Variants in ESR1 observed in about 807,000 individuals in gnomAD.
The protein encoded by ESR1 is estrogen receptor.
ESR1 carries 12 observed loss-of-function variants against 52.7 expected under a neutral mutation model. The observed-to-expected ratio is 0.23, with a 90% CI of 0.15 to 0.37. ESR1 has a LOEUF of 0.37. Among genes scored for constraint, ESR1 ranks in the 10% least tolerant of loss-of-function variants. ESR1 has a pLI of 1.00. For synonymous variants in ESR1, 305 were observed against 316.8 expected (o/e 0.96, Z 0.39); for missense variants, 584 against 779.7 (o/e 0.75, Z 2.99).
intron 6 of ESR1, among the ~76,000 whole-genome samples, chr6:152,064,105 T>C (rs1284539069): frequency 5.9e-5 from 9 of 152,324 alleles, no homozygotes; most frequent in East Asian, 1.9e-4. Flanking sequence ...CCCGGAATCA[T>C]CCATAGGACA....
intron 2 of ESR1, among the ~76,000 whole-genome samples, chr6:151,869,491 A>G (rs567684050): frequency 5.8e-4 from 89 of 152,190 alleles, no homozygotes; most frequent in Non-Finnish European, 1.1e-3. Flanking sequence ...AGGTATTACA[A>G]TGAGATGGTG....
intron 5 of ESR1, among the ~76,000 whole-genome samples, chr6:152,056,166 C>T (rs1017774292): frequency 6.6e-6 from 1 of 152,186 alleles, no homozygotes; most frequent in Non-Finnish European, 1.5e-5. Flanking sequence ...TTCTTCCATA[C>T]TTCAGAGCTG....
chr6:152,007,103 G>C (rs1166798075), intron 4 of ESR1, among the ~76,000 whole-genome samples: 1 of 152,034 alleles, frequency 6.6e-6, no homozygotes, highest in East Asian at 1.9e-4. Flanking sequence ...TTTGCTTGGA[G>C]ATCTCTGCAC....
intron 2 of ESR1, among the ~76,000 whole-genome samples, chr6:151,702,182 G>A (rs1290657794): frequency 6.6e-6 from 1 of 152,016 alleles, no homozygotes; most frequent in Non-Finnish European, 1.5e-5. Flanking sequence ...CTCTACATGC[G>A]TTGCTTAGGT....
chr6:151,967,222 T>C (rs796312106), intron 4 of ESR1, among the ~76,000 whole-genome samples: 5 of 152,292 alleles, frequency 3.3e-5, no homozygotes, highest in African/African-American at 1.2e-4. Flanking sequence ...CTGGGATACA[T>C]GTGCAGAACA....
Position 152,101,175 on chromosome 6 carries a change from T to C in ESR1, c.*2209T>C. 4.3e-6 allele frequency: 1 copy of C among 231,116 alleles called. No homozygotes were observed. The highest frequency in any genetic ancestry group is 8.6e-6 in the Non-Finnish European group (1 of 116,602). 14.3% of individuals were successfully genotyped at this position (231,116 alleles called of 1,614,324 possible). A position where few individuals can be genotyped will look rare whatever the true frequency, so the allele number is the denominator to read the frequency against. On this transcript the variant is annotated 3_prime_UTR_variant, in exon 8 of 8. Transcript: ENST00000206249. The stretch of plus-strand genomic sequence containing the variant: ...GTATCCACAGTAGACAAAATAGCAC[T>C]AATCCAGATGCCTATTGTTGGATAC...
chr6:152,054,512 A>G (rs149535802), intron 5 of ESR1, among the ~76,000 whole-genome samples: 30 of 150,604 alleles, frequency 2.0e-4, no homozygotes, highest in African/African-American at 7.3e-4. Context: ...CTCTCCCCCA[A>G]TCTCCTTTGC....
At chr6:151,686,016 G>A (rs1188264591), upstream of ESR1, among the ~76,000 whole-genome samples, 2 of 150,842 alleles carry the variant, frequency 1.3e-5, no homozygotes, top group African/African-American at 4.9e-5. Flanking sequence ...CAGCCTCCAG[G>A]TAGCTGGGAC....
chr6:151,856,380 G>A (rs1044502555), intron 2 of ESR1, among the ~76,000 whole-genome samples: 9 of 152,012 alleles, frequency 5.9e-5, no homozygotes, highest in Non-Finnish European at 8.8e-5. Context: ...TCTTCCTCTG[G>A]CTTTACTTCT....
chr6:151,869,818 T>G (rs376064389), intron 2 of ESR1, among the ~76,000 whole-genome samples: 2 of 152,332 alleles, frequency 1.3e-5, no homozygotes, highest in East Asian at 1.9e-4. Flanking sequence ...TCCTTTTAAA[T>G]AATAAAAGTA....
chr6:151,694,341 T>C (rs1390476010), intron 1 of ESR1, among the ~76,000 whole-genome samples: 2 of 152,206 alleles, frequency 1.3e-5, no homozygotes, highest in Non-Finnish European at 2.9e-5. Flanking sequence ...CTGGGGTTGA[T>C]GGGAGATAAC....
chr6:151,985,485 G>A (rs2040371718), intron 4 of ESR1, among the ~76,000 whole-genome samples: 1 of 133,782 alleles, frequency 7.5e-6, no homozygotes, highest in African/African-American at 3.0e-5. Context: ...TCTAGCTGGG[G>A]CAACAGAGTG....
At chr6:151,968,815 G>C (rs2038586710) in intron 4 of ESR1, among the ~76,000 whole-genome samples, 1 of 152,020 alleles carries the variant, frequency 6.6e-6, no homozygotes, top group South Asian at 2.1e-4. Context: ...GAGCAACTTG[G>C]GCCATGGACT....
At chr6:151,850,087 T>TGC (rs1370003690) in intron 2 of ESR1, among the ~76,000 whole-genome samples, 1 of 103,910 alleles carries the variant, frequency 9.6e-6, no homozygotes, top group South Asian at 3.0e-4. Context: ...AAATTATATA[T>TGC]ATATAATTTT....
chr6:151,834,076 A>G (rs1280050134), intron 1 of ESR1, among the ~76,000 whole-genome samples: 1 of 152,216 alleles, frequency 6.6e-6, no homozygotes, highest in African/African-American at 2.4e-5. Flanking sequence ...GTGGAGAAAT[A>G]GGAACACTTT....
rs35800682 is a variant in ESR1, at chr6:151,726,336, C to CTT, written c.-71+24343_-71+24344dup. Among the ~76,000 whole-genome samples the CTT allele has an allele frequency of 1.6e-4, 24 of 147,328 alleles. No homozygotes were observed. In the East Asian group the frequency reaches 2.6e-3, roughly 16 times the overall value. On this transcript the variant is annotated intron_variant, in intron 2 of 2. Transcript: ENST00000404742. ...CTTTTATGTTATTATTAAAGATTTT[C>CTT]TTTTTTTTTTTTTGAGACGGAGTCT...
rs571597151 is a variant in ESR1, at chr6:151,872,600, A to T, written c.644-8055A>T. ...AACATTTTGAATTCTTCTTTCTATA[A>T]CAAATTCTTTGCCAGTCTTCCTTTT... is the stretch of plus-strand genomic sequence containing the variant. On this transcript the variant is annotated intron_variant, in intron 2 of 7. Transcript: ENST00000206249. 2.6e-5 allele frequency among the ~76,000 whole-genome samples: 4 copies of T among 152,344 alleles called. No individual in the cohort carries two copies. In the South Asian group the frequency reaches 8.3e-4, roughly 32 times the overall value.
At chr6:151,847,843 A>G (rs1785420502) in intron 2 of ESR1, among the ~76,000 whole-genome samples, 1 of 151,422 alleles carries the variant, frequency 6.6e-6, no homozygotes, top group Non-Finnish European at 1.5e-5. Context: ...GGTAATTCCT[A>G]GGTTTTCTTC....
chr6:151,987,519 G>A (rs1015576832), intron 4 of ESR1, among the ~76,000 whole-genome samples: 4 of 152,016 alleles, frequency 2.6e-5, no homozygotes, highest in African/African-American at 7.3e-5. Context: ...TCCATTTTAC[G>A]TGGCAGACTT....
Sources: gnomAD v4.1 joint callset for allele counts (sites outside exome capture counted in the v4.1 genomes callset) on GRCh38, gnomAD v4.1.1 for gene constraint, MANE v1.5 for transcripts, NCBI Gene and HGNC (gene_info 2026-07-23, HGNC 2026-07-21) for gene names.